Variants in ARL13B observed in about 807,000 individuals in gnomAD.
ARL13B encodes the protein ADP-ribosylation factor-like protein 13B.
Under a neutral mutation model 56.1 loss-of-function variants are expected in ARL13B, and 36 were observed. The ratio of observed to expected loss-of-function variants is 0.64; its 90% CI spans 0.49 to 0.85. The LOEUF (loss-of-function observed/expected upper bound fraction) is 0.85. ARL13B is among the 40% of genes least tolerant of loss of function. The pLI is 0.00. For missense variants in ARL13B, 519 were observed against 507.1 expected, an observed-to-expected ratio of 1.02 and a Z score of -0.23; for synonymous variants, 178 against 171.1, an observed-to-expected ratio of 1.04 and a Z score of -0.32.
intron 8 of ARL13B, among the ~76,000 whole-genome samples, chr3:94,049,820 AATT>A (rs961161705): frequency 1.3e-5 from 2 of 151,998 alleles, no homozygotes; most frequent in African/African-American, 4.8e-5. Flanking sequence ...CCCACATGTT[AATT>A]TAAGTTTCAC....
intron 1 of ARL13B, among the ~76,000 whole-genome samples, chr3:93,991,411 A>G (rs528828528): frequency 3.0e-4 from 45 of 152,286 alleles, no homozygotes; most frequent in African/African-American, 1.1e-3. Context: ...ACAGGGTCTC[A>G]TTCTGTTGCC....
In ARL13B at chr3:94,001,108, A is replaced by G. The variant is rs554738678; in HGVS notation, c.131-2551A>G. ...TATTGTGAAGATCAGTAGAGGACAG[A>G]ATATTATGATAGAGGTAAAGGTGAT... On this transcript the variant is annotated intron_variant, in intron 2 of 9. Transcript: ENST00000394222. 2.0e-5 allele frequency among the ~76,000 whole-genome samples: 3 copies of G among 152,296 alleles called. No homozygotes were observed. The East Asian group carries it at 5.8e-4, about 29-fold the overall frequency.
intron 1 of ARL13B, among the ~76,000 whole-genome samples, chr3:93,981,951 C>A (rs1710243018): frequency 6.8e-6 from 1 of 146,498 alleles, no homozygotes; most frequent in African/African-American, 2.5e-5. Flanking sequence ...TAATTATATT[C>A]TGGTCTAATT....
intron 1 of ARL13B, among the ~76,000 whole-genome samples, chr3:93,987,327 T>C (rs1177066876): frequency 6.6e-6 from 1 of 152,158 alleles, no homozygotes; most frequent in African/African-American, 2.4e-5. Flanking sequence ...ATATCCGTTA[T>C]ATAAAAAGGA....
chr3:94,009,036 A>G (rs1284951142), intron 3 of ARL13B, among the ~76,000 whole-genome samples: 1 of 151,990 alleles, frequency 6.6e-6, no homozygotes, highest in Non-Finnish European at 1.5e-5. Context: ...CTCTGGGCAC[A>G]CTGCGTATGG....
chr3:93,988,665 A>G, intron 1 of ARL13B: 1 of 490,806 alleles, frequency 2.0e-6, no homozygotes, highest in East Asian at 5.7e-5. Flanking sequence ...CTCCTGCTTC[A>G]TCAAAGGTTG....
chr3:94,001,335 A>C (rs1022566765), intron 2 of ARL13B, among the ~76,000 whole-genome samples: 4 of 152,216 alleles, frequency 2.6e-5, no homozygotes, highest in Non-Finnish European at 4.4e-5. Context: ...TAACCTTGAA[A>C]AAAAATCCTT....
At chr3:94,020,534 A>G (rs889734513) in intron 3 of ARL13B, among the ~76,000 whole-genome samples, 2 of 152,198 alleles carry the variant, frequency 1.3e-5, no homozygotes, top group Non-Finnish European at 2.9e-5. Flanking sequence ...TAGATCATTT[A>G]GGGTGAGTTC....
intron 3 of ARL13B, among the ~76,000 whole-genome samples, chr3:94,019,578 C>T (rs953561372): frequency 2.0e-5 from 3 of 151,458 alleles, no homozygotes; most frequent in Non-Finnish European, 4.4e-5. Flanking sequence ...AACTACCCCC[C>T]ATCCTGCCCC....
At chr3:94,021,888 AT>A (rs1385149143) in intron 3 of ARL13B, among the ~76,000 whole-genome samples, 1 of 152,016 alleles carries the variant, frequency 6.6e-6, no homozygotes, top group Non-Finnish European at 1.5e-5. Context: ...TAAAAATGTT[AT>A]TTTTTCCCTC....
intron 3 of ARL13B, among the ~76,000 whole-genome samples, chr3:94,020,180 T>C (rs569902381): frequency 6.6e-6 from 1 of 152,332 alleles, no homozygotes; most frequent in East Asian, 1.9e-4. Flanking sequence ...GTCTTTATTC[T>C]TTCCCAGCAC....
intron 5 of ARL13B, among the ~76,000 whole-genome samples, chr3:94,037,912 T>C (rs998625866): frequency 5.9e-5 from 9 of 152,160 alleles, no homozygotes; most frequent in African/African-American, 2.2e-4. Flanking sequence ...CCTTTCTTTC[T>C]TTCTCTTTAT....
chr3:94,026,457 G>T (rs574419211), intron 3 of ARL13B, among the ~76,000 whole-genome samples: 1 of 152,112 alleles, frequency 6.6e-6, no homozygotes, highest in South Asian at 2.1e-4. Context: ...GACTTGATAG[G>T]TACTCAAATA....
Position 93,995,905 on chromosome 3 carries a change from A to G in ARL13B, c.91A>G (p.Asn31Asp), listed in dbSNP as rs1468308618. ...KVTLLMVGLD[N>D]AGKTATAKGI... ...GACTCTTTTGATGGTGGGACTTGAT[A>G]ATGCTGGTAAAACCGCAACAGCAAA... Residue 31 changes from asparagine to aspartate, a missense_variant, in exon 2 of 10, where the codon AAT becomes GAT. Asn to Asp is a conservative substitution (Grantham distance 23). Coordinates refer to ENST00000394222, the MANE Select transcript of ARL13B (RefSeq NM_001174150.2). 2 of 1,613,284 alleles carry G rather than the reference A, an allele frequency of 1.2e-6. No individual in the cohort carries two copies. The highest frequency in any genetic ancestry group is 1.7e-5 in the Admixed American group (1 of 60,016).
intron 2 of ARL13B, chr3:93,996,542 T>C: frequency 3.2e-6 from 1 of 312,510 alleles, no homozygotes; most frequent in Non-Finnish European, 6.5e-6. Context: ...ATTTTTAATT[T>C]ATTAGGTCTT....
intron 5 of ARL13B, 54 bp from the exon 6 acceptor site, chr3:94,039,826 C>G (rs2076831580): frequency 2.0e-6 from 3 of 1,511,570 alleles, no homozygotes. Context: ...TTTTCTTTAA[C>G]ATGGTTCAGC....
chr3:94,022,020 A>G (rs1164847551), intron 3 of ARL13B, among the ~76,000 whole-genome samples: 9 of 152,182 alleles, frequency 5.9e-5, no homozygotes, highest in Non-Finnish European at 7.4e-5. Flanking sequence ...CCTTAAAGAC[A>G]GTCATAAAGG....
At chr3:93,988,858 G>A (rs1337361117) in intron 1 of ARL13B, 2 of 382,168 alleles carry the variant, frequency 5.2e-6, no homozygotes, top group Non-Finnish European at 1.0e-5. Flanking sequence ...CACTTTTGCA[G>A]GAGCAGGTTT....
intron 3 of ARL13B, among the ~76,000 whole-genome samples, chr3:94,016,678 G>T (rs2076339945): frequency 1.4e-5 from 2 of 141,214 alleles, no homozygotes; most frequent in Admixed American, 7.5e-5. Flanking sequence ...ATGGAGTCTT[G>T]CTCTGATGCC....
Sources: allele counts gnomAD v4.1 joint callset (sites outside exome capture counted in the v4.1 genomes callset), GRCh38; gene constraint gnomAD v4.1.1; transcripts MANE v1.5; gene names NCBI Gene and HGNC (gene_info 2026-07-23, HGNC 2026-07-21).